The following RNGTT variants were observed in gnomAD, a reference collection of about 807,000 sequenced individuals.
RNGTT encodes the protein RNA guanylyltransferase and 5'-phosphatase, also known as mRNA-capping enzyme.
RNGTT carries 33 observed loss-of-function variants against 79.3 expected under a neutral mutation model. That is an observed-to-expected ratio of 0.42 (90% CI 0.32 to 0.56). The LOEUF is 0.56. RNGTT is among the 20% of genes least tolerant of loss of function. The pLI, the probability that RNGTT is intolerant of heterozygous loss-of-function variation, is 0.17. For synonymous variants in RNGTT, 222 were observed against 235.9 expected, an observed-to-expected ratio of 0.94 and a Z score of 0.54; for missense variants, 497 against 739.1, an observed-to-expected ratio of 0.67 and a Z score of 3.80.
chr6:88,628,448 T>C (rs1252431953), intron 14 of RNGTT, among the ~76,000 whole-genome samples: 3 of 152,178 alleles, frequency 2.0e-5, no homozygotes, highest in Non-Finnish European at 4.4e-5. Flanking sequence ...TTGGTGTGTA[T>C]GTGTGAACAT....
intron 13 of RNGTT, chr6:88,714,125 T>C (rs1776417261): frequency 6.6e-6 from 1 of 152,238 alleles, no homozygotes; most frequent in Non-Finnish European, 1.5e-5. Flanking sequence ...CTCCCGAAGA[T>C]ACACTACTTA....
intron 1 of RNGTT, among the ~76,000 whole-genome samples, chr6:88,946,790 G>A (rs907386266): frequency 1.8e-4 from 26 of 146,826 alleles, no homozygotes; most frequent in South Asian, 2.3e-4. Context: ...GAATGCCTGC[G>A]ATTGCAGGCA....
chr6:88,673,917 T>C (rs985207426), intron 14 of RNGTT, among the ~76,000 whole-genome samples: 7 of 152,232 alleles, frequency 4.6e-5, no homozygotes, highest in East Asian at 1.9e-4. Context: ...TTCCAAATCA[T>C]TGGACAGAAA....
chr6:88,925,032 T>C (rs1427596454), intron 4 of RNGTT, among the ~76,000 whole-genome samples: 2 of 152,148 alleles, frequency 1.3e-5, no homozygotes, highest in Admixed American at 6.5e-5. Context: ...TTGTGTTTTT[T>C]TTTAAGACAA....
intron 13 of RNGTT, among the ~76,000 whole-genome samples, chr6:88,760,247 C>G (rs986014246): frequency 1.3e-5 from 2 of 152,076 alleles, no homozygotes; most frequent in African/African-American, 4.8e-5. Flanking sequence ...TGGTAAGCGG[C>G]CTGGGAAAGA....
At chr6:88,911,710 A>G (rs1783834822) in intron 4 of RNGTT, among the ~76,000 whole-genome samples, 1 of 152,208 alleles carries the variant, frequency 6.6e-6, no homozygotes, top group Non-Finnish European at 1.5e-5. Context: ...AAATGAAAGC[A>G]GAGGTAAAAT....
At chr6:88,838,412 G>A (rs1241062599) in intron 11 of RNGTT, among the ~76,000 whole-genome samples, 1 of 152,098 alleles carries the variant, frequency 6.6e-6, no homozygotes, top group African/African-American at 2.4e-5. Context: ...TAGCAAGACT[G>A]TAAGATAAAA....
intron 13 of RNGTT, among the ~76,000 whole-genome samples, chr6:88,758,432 G>A (rs9351178): frequency 0.13 from 19,503 of 152,140 alleles, 1,432 homozygotes; most frequent in Middle Eastern, 0.23. Context: ...TTATACTTTC[G>A]TCGAAAGGTG....
rs1235062681 is a variant in RNGTT, at chr6:88,941,102, C to T, written c.143G>A (p.Ser48Asn). 1 of 1,612,904 alleles carries T rather than the reference C, an allele frequency of 6.2e-7. No individual in the cohort carries two copies. The highest frequency in any genetic ancestry group is 8.5e-7 in the Non-Finnish European group (1 of 1,179,106). The change falls in exon 2 of 16, where the codon AGC (serine) becomes AAC (asparagine). Residue 48 changes from serine (S) to asparagine (N), a missense_variant. Physicochemically the swap from Ser to Asn is conservative, Grantham distance 46. This residue lies in a region of RNGTT where 440 missense variants were observed against 671.5 expected (regional missense o/e 0.66). Coordinates refer to ENST00000369485, the MANE Select transcript of RNGTT (RefSeq NM_003800.5). ...GCTCTTTAGGTAATTTGAGAGCATG[C>T]TGGGATGGAACCGATTTTCTTCAGC... ...QVAEENRFHP[S>N]MLSNYLKSLK... is the part of the protein sequence containing the mutation.
chr6:88,767,661 A>ACTATATT (rs1327274895), intron 13 of RNGTT, among the ~76,000 whole-genome samples: 12 of 146,676 alleles, frequency 8.2e-5, no homozygotes, highest in Admixed American at 7.6e-4. Context: ...TTTTCGAAGA[A>ACTATATT]CTATATTCAC....
intron 13 of RNGTT, among the ~76,000 whole-genome samples, chr6:88,730,922 C>T (rs1582393481): frequency 6.6e-6 from 1 of 152,226 alleles, no homozygotes; most frequent in East Asian, 1.9e-4. Flanking sequence ...ATCTAAGAGG[C>T]CAAAACAAAC....
Position 88,645,702 on chromosome 6 carries a change from C to T in RNGTT, c.1507-31307G>A, listed in dbSNP as rs565144771. Reference sequence around the variant, plus strand: ...CAGAGCCCTCAGAAATAATACCACACATCTACAACCATCTGATCTTTGACA... The same window carrying T: ...CAGAGCCCTCAGAAATAATACCACATATCTACAACCATCTGATCTTTGACA... On this transcript the variant is annotated intron_variant, in intron 14 of 15. Transcript: ENST00000369485. Among the ~76,000 whole-genome samples, 7 of 152,240 alleles carry T rather than the reference C, an allele frequency of 4.6e-5. No homozygotes were observed. In the East Asian group the frequency reaches 1.3e-3, roughly 29 times the overall value.
intron 8 of RNGTT, among the ~76,000 whole-genome samples, chr6:88,871,916 C>T (rs1326028648): frequency 6.6e-6 from 1 of 152,080 alleles, no homozygotes; most frequent in Non-Finnish European, 1.5e-5. Flanking sequence ...CCCATAAAAA[C>T]AAACATTTCT....
chr6:88,828,186 G>A lies in RNGTT; in HGVS notation c.1269+16171C>T, dbSNP rs370375135. ...GGTGCCCATCTAGGACAAAGCTTCC[G>A]GAGGAAGAACAGGCAGAAATCTTTG... On this transcript the variant is annotated intron_variant, in intron 11 of 15. Coordinates refer to ENST00000369485, the MANE Select transcript of RNGTT (RefSeq NM_003800.5). Among the ~76,000 whole-genome samples the A allele has an allele frequency of 1.4e-4, 21 of 152,258 alleles. No individual in the cohort carries two copies. The South Asian group carries it at 2.1e-3, about 15-fold the overall frequency.
At chr6:88,898,920 A>C (rs2127939097) in intron 6 of RNGTT, among the ~76,000 whole-genome samples, 1 of 151,480 alleles carries the variant, frequency 6.6e-6, no homozygotes, top group Non-Finnish European at 1.5e-5. Flanking sequence ...TAAATAAATA[A>C]GTAAATAGGG....
At chr6:88,925,474 T>C (rs1007834974) in intron 4 of RNGTT, among the ~76,000 whole-genome samples, 1 of 151,616 alleles carries the variant, frequency 6.6e-6, no homozygotes, top group Non-Finnish European at 1.5e-5. Context: ...ACGCCTATGG[T>C]CCCAGCTACT....
rs1554219114 is a variant in RNGTT at position 88,801,834 on chromosome 6, C to CACAG, written c.1270-203_1270-202insCTGT. ...ATACACACACACAGACACACACACA[C>CACAG]ACACACACACACACACACACACACA... On this transcript the variant is annotated intron_variant, in intron 11 of 15. Coordinates refer to ENST00000369485, the MANE Select transcript of RNGTT (RefSeq NM_003800.5). 3.7e-3 allele frequency among the ~76,000 whole-genome samples: 559 copies of CACAG among 151,104 alleles called. 5 individuals are homozygous for CACAG. The highest frequency in any genetic ancestry group is 0.013 in the African/African-American group (543 of 41,138).
chr6:88,661,604 C>A (rs1455050398), intron 14 of RNGTT, among the ~76,000 whole-genome samples: 1 of 152,080 alleles, frequency 6.6e-6, no homozygotes, highest in African/African-American at 2.4e-5. Context: ...AAATATACAA[C>A]CCTCCTAGAT....
chr6:88,904,325 C>A (rs1364650768), intron 6 of RNGTT, among the ~76,000 whole-genome samples: 1 of 152,190 alleles, frequency 6.6e-6, no homozygotes, highest in African/African-American at 2.4e-5. Context: ...GTAATCCCAA[C>A]ACTTTGGGAT....
Sources: allele counts gnomAD v4.1 joint callset (sites outside exome capture counted in the v4.1 genomes callset), GRCh38; gene constraint gnomAD v4.1.1; regional missense constraint gnomAD v4.1.1; transcripts MANE v1.5; gene names NCBI Gene and HGNC (gene_info 2026-07-23, HGNC 2026-07-21).